Variants in PKNOX2 observed in about 807,000 individuals in gnomAD.
PKNOX2 encodes the protein PBX/knotted 1 homeobox 2.
A neutral mutation model predicts 53.1 loss-of-function variants in PKNOX2; 14 were observed. That is an observed-to-expected ratio of 0.26 (90% confidence interval 0.17 to 0.41). The LOEUF (loss-of-function observed/expected upper bound fraction) is 0.41. PKNOX2 is among the 10% of genes least tolerant of loss of function. The probability of loss-of-function intolerance (pLI) is 1.00; values close to 1 mark genes in which losing one functional copy is unlikely to be tolerated. For missense variants in PKNOX2, 496 were observed against 602.8 expected (o/e 0.82, Z 1.85); for synonymous variants, 257 against 242.8 (o/e 1.06, Z -0.54).
chr11:125,271,681 T>G lies in PKNOX2; in HGVS notation c.-130+36566T>G, dbSNP rs767647716. Among the ~76,000 whole-genome samples, 7 of 151,986 alleles carry G rather than the reference T, an allele frequency of 4.6e-5. No individual in the cohort carries two copies. The East Asian group carries it at 7.7e-4, about 17-fold the overall frequency. On this transcript the variant is annotated intron_variant, in intron 2 of 12. Transcript: ENST00000298282. ...GTGTCCTGTCATGAAAATAGCAGAG[T>G]TGAGGGAAGGAGAGCAGCAAATTGA...
In PKNOX2 at chr11:125,331,806, C is replaced by T. The variant is rs966150076; in HGVS notation, c.-129-13C>T. On this transcript the variant is annotated splice_polypyrimidine_tract_variant and intron_variant, in intron 2 of 12. Transcript: ENST00000298282. Reference sequence around the variant, plus strand: ...GCCTTCCCTGCTGAGAGCTGCTCTACCCTTTTTTGCAGGTGCTTTGGCTCT... The same window carrying T: ...GCCTTCCCTGCTGAGAGCTGCTCTATCCTTTTTTGCAGGTGCTTTGGCTCT... 7 of 152,300 alleles carry T rather than the reference C, an allele frequency of 4.6e-5. No individual in the cohort carries two copies. Among genetic ancestry groups the T allele is most frequent in the Admixed American group, 4.6e-4 (7 of 15,264 alleles). 9.4% of individuals were successfully genotyped at this position (152,300 alleles called of 1,614,324 possible).
At chr11:125,399,546 A>T (rs1360668682) in intron 7 of PKNOX2, among the ~76,000 whole-genome samples, 1 of 152,192 alleles carries the variant, frequency 6.6e-6, no homozygotes, top group Non-Finnish European at 1.5e-5. Context: ...TTTTCATGAA[A>T]ATAATAAGTG....
At chr11:125,214,156 GTC>G (rs1363076290) in intron 1 of PKNOX2, among the ~76,000 whole-genome samples, 1 of 152,108 alleles carries the variant, frequency 6.6e-6, no homozygotes, top group Non-Finnish European at 1.5e-5. Flanking sequence ...TGGCCCTAAT[GTC>G]TACGCTGTGC....
intron 7 of PKNOX2, among the ~76,000 whole-genome samples, chr11:125,407,600 C>G (rs973941399): frequency 7.9e-5 from 12 of 152,024 alleles, no homozygotes; most frequent in African/African-American, 2.9e-4. Flanking sequence ...TACCCACTCC[C>G]CCATTAAATT....
At chr11:125,355,414 C>T (rs1324366421) in intron 4 of PKNOX2, among the ~76,000 whole-genome samples, 1 of 152,114 alleles carries the variant, frequency 6.6e-6, no homozygotes, top group Non-Finnish European at 1.5e-5. Flanking sequence ...GTCTTAACTA[C>T]AGGACCCCAA....
chr11:125,305,766 T>G (rs1256148233), intron 2 of PKNOX2, among the ~76,000 whole-genome samples: 1 of 152,072 alleles, frequency 6.6e-6, no homozygotes, highest in African/African-American at 2.4e-5. Flanking sequence ...GACTGAAGTG[T>G]GGTGGTTATG....
chr11:125,220,149 T>TA lies in PKNOX2; in HGVS notation c.-200-14888dup, dbSNP rs1165334019. On this transcript the variant is annotated intron_variant, in intron 1 of 12. Transcript: ENST00000298282. ...AAGGAAAAAAATAACCCACCAAGTTTAAAAAAAAGTGTGTATAAAAAGGGG... is the reference window on the plus strand; with the variant it reads ...AAGGAAAAAAATAACCCACCAAGTTTAAAAAAAAAGTGTGTATAAAAAGGGG... Among the ~76,000 whole-genome samples the TA allele has an allele frequency of 7.9e-5, 12 of 152,100 alleles. No individual in the cohort carries two copies. In the South Asian group the frequency reaches 1.7e-3, roughly 21 times the overall value.
At chr11:125,430,212 G>A (rs977973231) in intron 12 of PKNOX2, 71 bp downstream of exon 12, 15 of 1,529,924 alleles carry the variant, frequency 9.8e-6, no homozygotes, top group African/African-American at 6.9e-5. Flanking sequence ...AGGTCAAGCC[G>A]TGCAAAGATT....
intron 2 of PKNOX2, among the ~76,000 whole-genome samples, chr11:125,241,011 T>C (rs754136476): frequency 6.6e-6 from 1 of 152,236 alleles, no homozygotes; most frequent in Non-Finnish European, 1.5e-5. Context: ...AGCTGGAGCC[T>C]AATTAATGCT....
At chr11:125,191,817 G>T (rs1956895893) in intron 1 of PKNOX2, among the ~76,000 whole-genome samples, 1 of 152,198 alleles carries the variant, frequency 6.6e-6, no homozygotes, top group African/African-American at 2.4e-5. Context: ...CACTGGTAAT[G>T]CTGTTATATA....
At chr11:125,283,278 T>C (rs1191579707) in intron 2 of PKNOX2, among the ~76,000 whole-genome samples, 1 of 152,216 alleles carries the variant, frequency 6.6e-6, no homozygotes, top group East Asian at 1.9e-4. Flanking sequence ...AGTGAAGGCA[T>C]AACTATTAAA....
intron 2 of PKNOX2, among the ~76,000 whole-genome samples, chr11:125,243,248 G>A (rs1470387621): frequency 6.6e-6 from 1 of 152,204 alleles, no homozygotes; most frequent in Non-Finnish European, 1.5e-5. Context: ...AATGGTTATA[G>A]GAACTGGTTC....
In PKNOX2 at chr11:125,430,263, C is replaced by G; in HGVS notation, c.1192+122C>G. On this transcript the variant is annotated intron_variant, in intron 12 of 12. Transcript: ENST00000298282. ...TACCTGGGCTCCCATCGCTGCCATG[C>G]CACAGTGATTATCCCTCCCCAAAGC... The G allele has an allele frequency of 3.4e-6, 4 of 1,176,004 alleles. No individual in the cohort carries two copies. In the South Asian group the frequency reaches 4.8e-5, roughly 14 times the overall value. The allele number at this position is 1,176,004 out of a possible 1,614,324, so 72.8% of individuals were successfully genotyped here. A position where few individuals can be genotyped will look rare whatever the true frequency, so the allele number is the denominator to read the frequency against.
chr11:125,338,352 C>T (rs1346347814), intron 3 of PKNOX2, among the ~76,000 whole-genome samples: 2 of 152,204 alleles, frequency 1.3e-5, no homozygotes, highest in Non-Finnish European at 2.9e-5. Context: ...CTGCTCTTCC[C>T]AGTGCCACAA....
chr11:125,250,332 A>G (rs1347495994), intron 2 of PKNOX2, among the ~76,000 whole-genome samples: 2 of 152,198 alleles, frequency 1.3e-5, no homozygotes, highest in Non-Finnish European at 2.9e-5. Flanking sequence ...ACAGATTTCA[A>G]GAAAGAGAAC....
chr11:125,189,904 T>C (rs1956769214), intron 1 of PKNOX2: 1 of 151,410 alleles, frequency 6.6e-6, no homozygotes. Context: ...TGTCCTAGTA[T>C]AACTGTTAAT....
chr11:125,321,860 T>G (rs191311321), intron 2 of PKNOX2, among the ~76,000 whole-genome samples: 1 of 152,298 alleles, frequency 6.6e-6, no homozygotes, highest in African/African-American at 2.4e-5. Flanking sequence ...CATCAGCAGA[T>G]TCAGTGTTTA....
At chr11:125,273,408 G>A (rs186453932) in intron 2 of PKNOX2, among the ~76,000 whole-genome samples, 2 of 152,336 alleles carry the variant, frequency 1.3e-5, no homozygotes, top group African/African-American at 4.8e-5. Context: ...CGAGGGGCAG[G>A]AGGAGGCGGG....
intron 7 of PKNOX2, among the ~76,000 whole-genome samples, chr11:125,405,936 C>T (rs1404938932): frequency 6.6e-6 from 1 of 152,178 alleles, no homozygotes; most frequent in Non-Finnish European, 1.5e-5. Flanking sequence ...AATTCTTGGG[C>T]TGGATAACCA....
Sources: gnomAD v4.1 joint callset for allele counts (sites outside exome capture counted in the v4.1 genomes callset) on GRCh38, gnomAD v4.1.1 for gene constraint, MANE v1.5 for transcripts, NCBI Gene and HGNC (gene_info 2026-07-23, HGNC 2026-07-21) for gene names.